Variants in C16orf46 observed in about 807,000 individuals in gnomAD.
C16orf46 encodes the protein uncharacterized protein C16orf46.
Under a neutral mutation model 5.5 loss-of-function variants are expected in C16orf46, and 7 were observed. That is an observed-to-expected ratio of 1.28 (90% CI 0.73 to 2.40). The LOEUF is 2.40. Among genes scored for constraint, C16orf46 ranks in the 30% most tolerant of loss-of-function variants. C16orf46 has a pLI of 0.00. For synonymous variants in C16orf46, 200 were observed against 184.1 expected (o/e 1.09, Z -0.70); for missense variants, 614 against 476.0 (o/e 1.29, Z -2.70).
In C16orf46 at chr16:81,054,509, T is replaced by TTC. The variant is rs573164553; in HGVS notation, c.1144-416_1144-415insGA. ...CTGGTATCAATTTTTCTGCACCTTT[T>TTC]TTGGTAACGTGATATATATATATGT... On this transcript the variant is annotated intron_variant, in intron 3 of 3. Coordinates refer to the C16orf46 transcript ENST00000378611. Among the ~76,000 whole-genome samples, 130 of 151,868 alleles carry TTC rather than the reference T, an allele frequency of 8.6e-4. 1 individual carries two copies. In the East Asian group the frequency reaches 0.024, roughly 28 times the overall value.
At chr16:81,075,651 T>C (rs1367301788) in intron 1 of C16orf46, among the ~76,000 whole-genome samples, 7 of 152,188 alleles carry the variant, frequency 4.6e-5, no homozygotes, top group African/African-American at 1.7e-4. Context: ...GAGTGTTGTA[T>C]TGAGAAGGAT....
intron 1 of C16orf46, among the ~76,000 whole-genome samples, chr16:81,074,935 G>A (rs1296097763): frequency 6.6e-6 from 1 of 152,128 alleles, no homozygotes; most frequent in East Asian, 1.9e-4. Flanking sequence ...ACCTAACTCT[G>A]ACTTCCCACA....
chr16:81,054,447 T>C (rs549765053), intron 3 of C16orf46, among the ~76,000 whole-genome samples: 1 of 152,050 alleles, frequency 6.6e-6, no homozygotes. Flanking sequence ...TTTGGTTTTG[T>C]TATATTTTAG....
downstream of C16orf46, chr16:81,056,135 G>A (rs926375497): frequency 6.6e-6 from 1 of 152,202 alleles, no homozygotes; most frequent in Admixed American, 6.5e-5. Context: ...TTGCTAAGGT[G>A]TATCCCACAA....
intron 1 of C16orf46, among the ~76,000 whole-genome samples, chr16:81,072,940 T>G (rs764644959): frequency 4.6e-5 from 7 of 152,132 alleles, no homozygotes; most frequent in Non-Finnish European, 1.0e-4. Context: ...TGATGTCAAG[T>G]GATCCGTCCG....
At chr16:81,056,781 C>G (rs373519757), downstream of C16orf46, among the ~76,000 whole-genome samples, 1 of 151,560 alleles carries the variant, frequency 6.6e-6, no homozygotes, top group Non-Finnish European at 1.5e-5. Flanking sequence ...CACCATGAGA[C>G]CCTAGAGGAC....
At position 81,061,415 on chromosome 16, in the gene C16orf46, G is replaced by A. The variant is rs1449754963; in HGVS notation, c.934C>T (p.Pro312Ser). The A allele has an allele frequency of 6.2e-7, 1 of 1,614,170 alleles. No individual in the cohort carries two copies. ...TAGCGAACGTTGCTGGGGTCTGGAG[G>A]GCACGCCAGGTTTTTCTCAGACAGG... ...SLLSEKNLACPPDPSNVRYLA... is the reference protein window; with the variant it reads ...SLLSEKNLACSPDPSNVRYLA... The change falls in exon 4 of 4, where the codon CCT becomes TCT. Residue 312 changes from proline to serine, a missense_variant. Coordinates refer to ENST00000299578, the MANE Select transcript of C16orf46 (RefSeq NM_152337.3).
At chr16:81,063,594 T>C (rs909107055) in intron 3 of C16orf46, 152 bp downstream of exon 3, 1 of 656,406 alleles carries the variant, frequency 1.5e-6, no homozygotes, top group Non-Finnish European at 2.6e-6. Context: ...GCTGCTCTTA[T>C]CATCAGTAAT....
chr16:81,065,281 G>C (rs1398710570), intron 2 of C16orf46, among the ~76,000 whole-genome samples: 4 of 152,100 alleles, frequency 2.6e-5, no homozygotes, highest in African/African-American at 4.8e-5. Flanking sequence ...AGACCAGCCT[G>C]ACCAACATGG....
At chr16:81,075,253 T>G (rs1436378508) in intron 1 of C16orf46, among the ~76,000 whole-genome samples, 1 of 40,244 alleles carries the variant, frequency 2.5e-5, no homozygotes, top group East Asian at 7.6e-4. Context: ...TCTCTCTCTC[T>G]CTCTCTTTTT....
rs769864952 is a variant in C16orf46, at chr16:81,061,291, T to C, written c.1058A>G (p.His353Arg). 2.5e-6 allele frequency: 4 copies of C among 1,614,126 alleles called. No individual in the cohort carries two copies. The highest frequency in any genetic ancestry group is 1.1e-5 in the South Asian group (1 of 91,086). ...TTCCTGCTTGGCCTTTGGGAGAACA[T>C]GCTTTCGGGTGATCACAGGAGATCT... ...EPRSPVITRK[H>R]VLPKAKQENR... is the part of the protein sequence containing the mutation. The change falls in exon 4 of 4, where the codon CAT (histidine) becomes CGT (arginine). Residue 353 changes from histidine to arginine, a missense_variant. Physicochemically the swap from His to Arg is conservative, Grantham distance 29. Coordinates refer to ENST00000299578, the MANE Select transcript of C16orf46 (RefSeq NM_152337.3).
At position 81,065,746 on chromosome 16, in the gene C16orf46, G is replaced by A. The variant is rs570094445; in HGVS notation, c.-39+447C>T. On this transcript the variant is annotated intron_variant, in intron 2 of 3. Coordinates refer to ENST00000299578, the MANE Select transcript of C16orf46 (RefSeq NM_152337.3). ...GTTTTTTTCATTTTTTGTTTAGGAA[G>A]AGATCGGTACTTCTTATGACAAATC... is the stretch of plus-strand genomic sequence containing the variant. Among the ~76,000 whole-genome samples the A allele has an allele frequency of 2.0e-5, 3 of 152,276 alleles. No homozygotes were observed. In the South Asian group the frequency reaches 6.2e-4, roughly 32 times the overall value.
At chr16:81,073,371 T>C (rs1053115091) in intron 1 of C16orf46, among the ~76,000 whole-genome samples, 2 of 152,142 alleles carry the variant, frequency 1.3e-5, no homozygotes, top group Non-Finnish European at 2.9e-5. Flanking sequence ...ATAAGGTTAA[T>C]TTATGGTCAT....
chr16:81,072,959 T>G (rs1275578132), intron 1 of C16orf46, among the ~76,000 whole-genome samples: 1 of 152,158 alleles, frequency 6.6e-6, no homozygotes, highest in African/African-American at 2.4e-5. Context: ...CGCCTCAGCC[T>G]CCCAAAGTGC....
chr16:81,068,452 C>T (rs948482398), intron 1 of C16orf46, among the ~76,000 whole-genome samples: 12 of 151,960 alleles, frequency 7.9e-5, no homozygotes, highest in African/African-American at 2.4e-4. Flanking sequence ...AGAGACCACC[C>T]GACCAAGAAC....
chr16:81,067,638 C>T (rs1170322348), intron 1 of C16orf46, among the ~76,000 whole-genome samples: 7 of 151,694 alleles, frequency 4.6e-5, no homozygotes, highest in South Asian at 4.2e-4. Context: ...CTGCAACCTC[C>T]GCCTCCTGGG....
At position 81,066,222 on chromosome 16, in the gene C16orf46, G is replaced by C. The variant is rs2151753104; in HGVS notation, c.-68C>G. 1 of 151,794 alleles carries C rather than the reference G, an allele frequency of 6.6e-6. No individual in the cohort carries two copies. The highest frequency in any genetic ancestry group is 2.1e-4 in the South Asian group (1 of 4,802). 9.4% of individuals were successfully genotyped at this position (151,794 alleles called of 1,614,324 possible). On this transcript the variant is annotated 5_prime_UTR_variant, in exon 2 of 4. Transcript: ENST00000299578. ...TCACCAGATGCACCTTCGGAACACTGGTGTACTTCAGGCAGGATCAACACG... is the reference window on the plus strand; with the variant it reads ...TCACCAGATGCACCTTCGGAACACTCGTGTACTTCAGGCAGGATCAACACG...
downstream of C16orf46, among the ~76,000 whole-genome samples, chr16:81,058,915 C>T (rs939336983): frequency 1.3e-5 from 2 of 152,188 alleles, no homozygotes; most frequent in African/African-American, 2.4e-5. Context: ...ACCCAGGCTA[C>T]AAACCTTAAT....
In C16orf46 at chr16:81,061,864, C is replaced by T. The variant is rs770168376; in HGVS notation, c.485G>A (p.Ser162Asn). The T allele has an allele frequency of 3.7e-6, 6 of 1,614,162 alleles. No homozygotes were observed. Among genetic ancestry groups the T allele is most frequent in the Non-Finnish European group, 5.1e-6 (6 of 1,180,018 alleles). Residue 162 changes from serine to asparagine, a missense_variant, in exon 4 of 4, where the codon AGT becomes AAT. Physicochemically the swap from Ser to Asn is conservative, Grantham distance 46. Coordinates refer to ENST00000299578, the MANE Select transcript of C16orf46 (RefSeq NM_152337.3). ...CCAAATAAACTCCTTGATTTGCAGA[C>T]TTTTTTTCTCTGCTCGAAAGTAGGT... is the stretch of plus-strand genomic sequence containing the variant. ...FPTYFRAEKK[S>N]LQIKEFIWCN...
Sources: gnomAD v4.1 joint callset for allele counts (sites outside exome capture counted in the v4.1 genomes callset) on GRCh38, gnomAD v4.1.1 for gene constraint, MANE v1.5 for transcripts, NCBI Gene and HGNC (gene_info 2026-07-23, HGNC 2026-07-21) for gene names.